TLE2: variants seen among roughly 807,000 people sequenced by gnomAD.
The protein encoded by TLE2 is transducin-like enhancer protein 2.
Under a neutral mutation model 97.2 loss-of-function variants are expected in TLE2, and 74 were observed. The observed-to-expected ratio is 0.76, with a 90% CI of 0.63 to 0.92. The LOEUF is 0.92. Among genes scored for constraint, TLE2 ranks in the 40% least tolerant of loss-of-function variants. The pLI is 0.00. For missense variants in TLE2, 1,038 were observed against 1,008.7 expected, an observed-to-expected ratio of 1.03 and a Z score of -0.39; for synonymous variants, 499 against 432.1, an observed-to-expected ratio of 1.15 and a Z score of -1.92.
At chr19:3,041,982 C>T (rs1030642864) in intron 1 of TLE2, among the ~76,000 whole-genome samples, 3 of 152,004 alleles carry the variant, frequency 2.0e-5, no homozygotes, top group Admixed American at 6.5e-5. Context: ...CCCCCTCCTC[C>T]CGCGGTGCTG....
intron 7 of TLE2, among the ~76,000 whole-genome samples, chr19:3,018,590 GCTAT>G (rs745517118): frequency 8.6e-5 from 13 of 151,290 alleles, no homozygotes; most frequent in South Asian, 6.3e-4. Flanking sequence ...ACCGTGCCTG[GCTAT>G]CTATTTTTAT....
intron 11 of TLE2, 94 bp from the exon 12 acceptor site, chr19:3,011,254 G>C (rs538708607): frequency 1.5e-6 from 2 of 1,365,940 alleles, no homozygotes; most frequent in Non-Finnish European, 9.8e-7. Flanking sequence ...GCGGCCAGTC[G>C]CAGTGTCTCA....
intron 1 of TLE2, among the ~76,000 whole-genome samples, chr19:3,042,741 A>C (rs1358778292): frequency 1.3e-5 from 2 of 152,092 alleles, no homozygotes; most frequent in Non-Finnish European, 2.9e-5. Context: ...TCCTATGTAG[A>C]AGCTGTTCTC....
At chr19:3,006,289 C>T in intron 15 of TLE2, 131 bp downstream of exon 15, 1 of 1,393,494 alleles carries the variant, frequency 7.2e-7, no homozygotes, top group Non-Finnish European at 9.8e-7. Flanking sequence ...CTACGAGCTC[C>T]GCCCCTCACC....
rs2089796259 is a variant in TLE2 at position 3,019,613 on chromosome 19, C to T, written c.369+86G>A. The T allele has an allele frequency of 1.3e-6, 2 of 1,541,430 alleles. No homozygotes were observed. Among genetic ancestry groups the T allele is most frequent in the Non-Finnish European group, 8.8e-7 (1 of 1,140,670 alleles). ...CACTGGAGCCAAGGCCCACACACCA[C>T]CCCAGCTTTAACACCTCCTGGGTGG... On this transcript the variant is annotated intron_variant, in intron 6 of 19. Transcript: ENST00000262953. The surrounding 1 kb of genome is among the most constrained non-coding windows in gnomAD (Gnocchi z 5.1).
intron 1 of TLE2, among the ~76,000 whole-genome samples, chr19:3,036,174 CA>C (rs1295871658): frequency 6.6e-6 from 1 of 152,118 alleles, no homozygotes; most frequent in Non-Finnish European, 1.5e-5. Context: ...TATAGGTAGT[CA>C]GGGGTGGAGG....
intron 1 of TLE2, among the ~76,000 whole-genome samples, chr19:3,034,951 G>A (rs1355478387): frequency 7.2e-5 from 11 of 152,166 alleles, no homozygotes; most frequent in Admixed American, 7.2e-4. Context: ...AGGAACAGGG[G>A]CATTGCCCGG....
intron 11 of TLE2, among the ~76,000 whole-genome samples, chr19:3,012,432 G>A (rs1451461624): frequency 5.3e-5 from 8 of 152,160 alleles, no homozygotes; most frequent in Admixed American, 5.2e-4. Flanking sequence ...GCCCAGGCTG[G>A]TCTCCAACTC....
At chr19:3,014,691 G>A (rs767687919) in intron 9 of TLE2, 77 bp from the exon 10 acceptor site, 4 of 1,377,424 alleles carry the variant, frequency 2.9e-6, no homozygotes, top group Non-Finnish European at 3.9e-6. Flanking sequence ...CTCAGGAGTT[G>A]GAGGCATGAG....
At chr19:3,044,284 C>G (rs1208530978) in intron 1 of TLE2, among the ~76,000 whole-genome samples, 1 of 152,144 alleles carries the variant, frequency 6.6e-6, no homozygotes, top group Admixed American at 6.5e-5. Context: ...TGGAGGATCT[C>G]GATAATCGCA....
chr19:3,042,414 CCTGGGAGGACGGTGGG>C (rs1412224780), intron 1 of TLE2, among the ~76,000 whole-genome samples: 2 of 14,808 alleles, frequency 1.4e-4, no homozygotes, highest in African/African-American at 1.0e-3. Context: ...GGTAAGGGGG[CCTGGGAGGACGGTGGG>C]CCTGGGTGGG....
rs1261260591 is a variant in TLE2 at position 3,028,769 on chromosome 19, G to A, written c.59C>T (p.Ser20Leu). The A allele has an allele frequency of 6.2e-7, 1 of 1,612,934 alleles. No individual in the cohort carries two copies. The highest frequency in any genetic ancestry group is 1.7e-5 in the Admixed American group (1 of 60,030). ...PLQSGQPFKF[S>L]ILEICDRIKE... is the part of the protein sequence containing the mutation. Reference sequence around the variant, plus strand: ...GATGCGGTCGCAGATCTCCAAGATCGAGAACTTGAAGGGCTGGCCGGACTG... The same window carrying A: ...GATGCGGTCGCAGATCTCCAAGATCAAGAACTTGAAGGGCTGGCCGGACTG... Residue 20 changes from serine (S) to leucine (L), a missense_variant, in exon 2 of 20, where the codon TCG (serine) becomes TTG (leucine). Coordinates refer to ENST00000262953, the MANE Select transcript of TLE2 (RefSeq NM_003260.5).
intron 7 of TLE2, 68 bp from the exon 8 acceptor site, chr19:3,017,927 A>G: frequency 6.6e-7 from 1 of 1,504,592 alleles, no homozygotes; most frequent in African/African-American, 1.4e-5. Context: ...CCACGGCGCC[A>G]GAGGGTACAG....
chr19:3,013,827 G>C lies in TLE2; in HGVS notation c.724-9C>G, dbSNP rs1255351793. 1.3e-6 allele frequency: 2 copies of C among 1,525,152 alleles called. No homozygotes were observed. Among genetic ancestry groups the C allele is most frequent in the African/African-American group, 1.4e-5 (1 of 69,560 alleles). The allele number at this position is 1,525,152 out of a possible 1,614,324, so 94.5% of individuals were successfully genotyped here. A position where few individuals can be genotyped will look rare whatever the true frequency, so the allele number is the denominator to read the frequency against. ...GGCTCTGAGGGTTGGTCCTGGGTTT[G>C]AGGAGGTGACGTTGAGCAGAGTTGA... On this transcript the variant is annotated splice_polypyrimidine_tract_variant and intron_variant, in intron 10 of 19. Transcript: ENST00000262953.
chr19:3,009,574 T>A lies in TLE2; in HGVS notation c.1141A>T (p.Ser381Cys). 1.9e-6 allele frequency: 3 copies of A among 1,613,314 alleles called. No individual in the cohort carries two copies. Among genetic ancestry groups the A allele is most frequent in the Non-Finnish European group, 2.5e-6 (3 of 1,179,634 alleles). The change falls in exon 13 of 20, where the codon AGC becomes TGC. Residue 381 changes from serine (S) to cysteine (C), a missense_variant. Coordinates refer to ENST00000262953, the MANE Select transcript of TLE2 (RefSeq NM_003260.5). ...YVSLHLSPQV[S>C]SSVVYGRSPV... ...GAGCGTCCGTACACCACAGAGCTGC[T>A]GACCTGGGGGGACAGGTGGAGGCTG...
At chr19:3,035,902 A>G (rs1317576188) in intron 1 of TLE2, among the ~76,000 whole-genome samples, 2 of 150,460 alleles carry the variant, frequency 1.3e-5, no homozygotes, top group East Asian at 3.9e-4. Context: ...CTAAGGCTCC[A>G]TTATTATCCA....
intron 1 of TLE2, among the ~76,000 whole-genome samples, chr19:3,037,543 C>G (rs761809862): frequency 3.3e-5 from 5 of 152,108 alleles, no homozygotes; most frequent in Non-Finnish European, 7.4e-5. Flanking sequence ...TAGATACCCC[C>G]TAGGGTTAGA....
intron 19 of TLE2, among the ~76,000 whole-genome samples, chr19:2,999,043 A>T (rs928589695): frequency 1.3e-5 from 2 of 152,140 alleles, no homozygotes; most frequent in African/African-American, 4.8e-5. Flanking sequence ...GCGCTTCCGG[A>T]GGCCGAGGCA....
At chr19:3,045,696 T>C in intron 1 of TLE2, 2 of 430,372 alleles carry the variant, frequency 4.6e-6, no homozygotes, top group South Asian at 3.2e-5. Flanking sequence ...CCAGGTGTGG[T>C]GGCGGGCGCC....
Sources: allele counts gnomAD v4.1 joint callset (sites outside exome capture counted in the v4.1 genomes callset), GRCh38; gene constraint gnomAD v4.1.1; non-coding constraint Gnocchi (gnomAD v3.1); transcripts MANE v1.5; gene names NCBI Gene and HGNC (gene_info 2026-07-23, HGNC 2026-07-21).